The following ARHGAP22 variants were observed in gnomAD, a reference collection of about 807,000 sequenced individuals.
The protein encoded by ARHGAP22 is Rho GTPase activating protein 22, also known as rho GTPase-activating protein 22.
In ARHGAP22, 48 loss-of-function variants were observed where a neutral mutation model predicts 59.1. The ratio of observed to expected loss-of-function variants is 0.81; its 90% confidence interval spans 0.64 to 1.03. The LOEUF is 1.03. Ranked by LOEUF, ARHGAP22 falls within the 50% of genes least tolerant of loss-of-function variation. The pLI, the probability that ARHGAP22 is intolerant of heterozygous loss-of-function variation, is 0.00. For synonymous variants in ARHGAP22, 445 were observed against 416.4 expected, an observed-to-expected ratio of 1.07 and a Z score of -0.84; for missense variants, 1,015 against 958.7, an observed-to-expected ratio of 1.06 and a Z score of -0.78.
chr10:48,612,171 C>T (rs1361877854), intron 1 of ARHGAP22, among the ~76,000 whole-genome samples: 1 of 151,790 alleles, frequency 6.6e-6, no homozygotes, highest in Non-Finnish European at 1.5e-5. Flanking sequence ...ATCTTTAATC[C>T]CTCCCTCATT....
chr10:48,501,505 G>A (rs2134376451), intron 3 of ARHGAP22, among the ~76,000 whole-genome samples: 1 of 152,316 alleles, frequency 6.6e-6, no homozygotes, highest in African/African-American at 2.4e-5. Context: ...TGATGGGGAT[G>A]GTGAGGAAAG....
intron 3 of ARHGAP22, among the ~76,000 whole-genome samples, chr10:48,514,860 G>A (rs560364142): frequency 4.6e-5 from 7 of 152,216 alleles, no homozygotes; most frequent in South Asian, 2.1e-4. Flanking sequence ...AACCACTGAA[G>A]TATTAATCTG....
intron 3 of ARHGAP22, chr10:48,532,942 C>T (rs1171657352): frequency 6.6e-6 from 1 of 151,776 alleles, no homozygotes; most frequent in Non-Finnish European, 1.5e-5. Context: ...CCTTATTGAA[C>T]TCCAGTTTTT....
At chr10:48,577,814 T>TGG (rs2058837297) in intron 2 of ARHGAP22, among the ~76,000 whole-genome samples, 4 of 125,108 alleles carry the variant, frequency 3.2e-5, no homozygotes, top group Admixed American at 8.3e-5. Flanking sequence ...TTTTTTTTTT[T>TGG]TTTTTTTTTT....
chr10:48,471,746 C>T (rs1026250812), intron 4 of ARHGAP22, among the ~76,000 whole-genome samples: 3 of 152,224 alleles, frequency 2.0e-5, no homozygotes, highest in African/African-American at 4.8e-5. Flanking sequence ...TTTCACTACC[C>T]TGACCACAGG....
At chr10:48,627,091 C>T (rs780256599) in intron 1 of ARHGAP22, among the ~76,000 whole-genome samples, 11 of 152,176 alleles carry the variant, frequency 7.2e-5, no homozygotes, top group South Asian at 4.1e-4. Context: ...GTTCTGGGAG[C>T]GGGTTGTGCA....
At chr10:48,623,357 T>G (rs868854303) in intron 1 of ARHGAP22, among the ~76,000 whole-genome samples, 6 of 152,362 alleles carry the variant, frequency 3.9e-5, no homozygotes, top group Middle Eastern at 6.8e-3. Flanking sequence ...TGATTCTAGC[T>G]CTGTGTATTT....
At chr10:48,497,529 C>T (rs781154599) in intron 3 of ARHGAP22, among the ~76,000 whole-genome samples, 1 of 152,168 alleles carries the variant, frequency 6.6e-6, no homozygotes, top group African/African-American at 2.4e-5. Context: ...CGGTGGTCAG[C>T]GGACGCTGTG....
At chr10:48,586,024 C>T (rs373327999) in intron 1 of ARHGAP22, among the ~76,000 whole-genome samples, 6 of 152,134 alleles carry the variant, frequency 3.9e-5, no homozygotes, top group East Asian at 1.9e-4. Context: ...TCAGAATGAT[C>T]GGCACTTTTT....
At chr10:48,520,765 C>T (rs2053731440) in intron 3 of ARHGAP22, among the ~76,000 whole-genome samples, 1 of 152,088 alleles carries the variant, frequency 6.6e-6, no homozygotes, top group African/African-American at 2.4e-5. Context: ...AGAGCTGCTG[C>T]TGCTGAGAGC....
At chr10:48,536,330 G>A (rs564779297) in intron 3 of ARHGAP22, among the ~76,000 whole-genome samples, 7 of 152,306 alleles carry the variant, frequency 4.6e-5, no homozygotes, top group African/African-American at 1.7e-4. Flanking sequence ...GGGAAGGAAA[G>A]GGCTGCCAAG....
chr10:48,628,564 C>T (rs2061526037), intron 1 of ARHGAP22, among the ~76,000 whole-genome samples: 5 of 152,134 alleles, frequency 3.3e-5, no homozygotes, highest in Admixed American at 3.3e-4. Context: ...TCTACCCTAC[C>T]ACCTTGAGGC....
Position 48,446,318 on chromosome 10 carries a change from TAC to T in ARHGAP22, c.*71_*72del. 6.5e-7 allele frequency: 1 copy of T among 1,530,114 alleles called. No homozygotes were observed. The highest frequency in any genetic ancestry group is 8.9e-7 in the Non-Finnish European group (1 of 1,117,944). The allele number at this position is 1,530,114 out of a possible 1,614,324, so 94.8% of individuals were successfully genotyped here. A position where few individuals can be genotyped will look rare whatever the true frequency, so the allele number is the denominator to read the frequency against. ...CCAGAGCGCCTGGCTGCTCCAGAGATACAGACGCTTCTAACTCCATACAAGGC... is the reference window on the plus strand; with the variant it reads ...CCAGAGCGCCTGGCTGCTCCAGAGATAGACGCTTCTAACTCCATACAAGGC... On this transcript the variant is annotated 3_prime_UTR_variant, in exon 10 of 10. Coordinates refer to ENST00000249601, the MANE Select transcript of ARHGAP22 (RefSeq NM_021226.4).
chr10:48,630,458 G>A (rs1033836565), intron 1 of ARHGAP22, among the ~76,000 whole-genome samples: 1 of 152,100 alleles, frequency 6.6e-6, no homozygotes, highest in Admixed American at 6.5e-5. Flanking sequence ...CATTTATTTC[G>A]ATTTTCTTAG....
intron 1 of ARHGAP22, among the ~76,000 whole-genome samples, chr10:48,584,288 G>T (rs970009359): frequency 6.6e-6 from 1 of 152,188 alleles, no homozygotes; most frequent in Non-Finnish European, 1.5e-5. Context: ...AGTTCTCTAA[G>T]CCTGGCCTAC....
chr10:48,524,193 C>G (rs1002756593), intron 3 of ARHGAP22: 6 of 962,164 alleles, frequency 6.2e-6, no homozygotes, highest in Admixed American at 1.1e-4. Flanking sequence ...GGCCCACGGG[C>G]AGTGCCCAGC....
At chr10:48,643,845 A>G (rs991868622) in intron 1 of ARHGAP22, among the ~76,000 whole-genome samples, 1 of 151,952 alleles carries the variant, frequency 6.6e-6, no homozygotes, top group South Asian at 2.1e-4. Flanking sequence ...TAAAATAGAC[A>G]TTAAGAAAAG....
Position 48,479,670 on chromosome 10 carries a change from G to T in ARHGAP22, c.417C>A (p.Ala139=), listed in dbSNP as rs1036579786. The T allele has an allele frequency of 5.6e-6, 9 of 1,613,200 alleles. No individual in the cohort carries two copies. In the African/African-American group the frequency reaches 1.2e-4, roughly 22 times the overall value. Residue 139 remains alanine (A), a synonymous_variant, in exon 4 of 10, where the codon GCC becomes GCA. Transcript: ENST00000249601. ...SQRDMEDWVQ[A]IRRVIWAPLG... ...GCGGGGCCCAGATGACTCGGCGGAT[G>T]GCCTGCACCCAGTCCTCCATGTCAC...
At chr10:48,605,240 T>G, upstream of ARHGAP22, 1 of 846,878 alleles carries the variant, frequency 1.2e-6, no homozygotes, top group African/African-American at 1.8e-5. Context: ...TTGCTGAGGC[T>G]GGAAGAAATG....
Sources: allele counts gnomAD v4.1 joint callset (sites outside exome capture counted in the v4.1 genomes callset), GRCh38; gene constraint gnomAD v4.1.1; transcripts MANE v1.5; gene names NCBI Gene and HGNC (gene_info 2026-07-23, HGNC 2026-07-21).